PHKB: variants seen among roughly 807,000 people sequenced by gnomAD.
PHKB encodes phosphorylase kinase regulatory subunit beta.
Under a neutral mutation model 152.1 loss-of-function variants are expected in PHKB, and 122 were observed. That is an observed-to-expected ratio of 0.80 (90% CI 0.69 to 0.93). The LOEUF is 0.93. Among genes scored for constraint, PHKB ranks in the 40% least tolerant of loss-of-function variants. The probability of loss-of-function intolerance (pLI) is 0.00; values close to 1 mark genes in which losing one functional copy is unlikely to be tolerated. For synonymous variants in PHKB, 436 were observed against 464.9 expected (o/e 0.94, Z 0.80); for missense variants, 1,304 against 1,328.4 (o/e 0.98, Z 0.29).
intron 7 of PHKB, chr16:47,564,957 T>C (rs1971539582): frequency 3.9e-6 from 1 of 257,048 alleles, no homozygotes; most frequent in African/African-American, 2.3e-5. Context: ...GGTCTGTGTG[T>C]CTTTTTTTTT....
intron 5 of PHKB, among the ~76,000 whole-genome samples, chr16:47,512,594 G>A (rs1970528662): frequency 6.6e-6 from 1 of 152,132 alleles, no homozygotes; most frequent in Admixed American, 6.5e-5. Flanking sequence ...TATTTCTGAA[G>A]TCCATAAATT....
chr16:47,668,596 C>A (rs1266779192), intron 25 of PHKB, among the ~76,000 whole-genome samples: 1 of 152,104 alleles, frequency 6.6e-6, no homozygotes, highest in East Asian at 1.9e-4. Context: ...TTGGCCATTT[C>A]ACTCTATGCT....
At chr16:47,537,038 C>T (rs1374011073) in intron 6 of PHKB, among the ~76,000 whole-genome samples, 1 of 152,130 alleles carries the variant, frequency 6.6e-6, no homozygotes, top group Non-Finnish European at 1.5e-5. Context: ...TCTGTGGGGA[C>T]AGGGTGGGAA....
chr16:47,692,251 G>T (rs2096850027), intron 27 of PHKB, among the ~76,000 whole-genome samples: 1 of 152,094 alleles, frequency 6.6e-6, no homozygotes, highest in Non-Finnish European at 1.5e-5. Flanking sequence ...AATAGTGTTG[G>T]TCATGACATA....
chr16:47,690,118 C>G (rs1597184394), intron 27 of PHKB, among the ~76,000 whole-genome samples: 1 of 152,088 alleles, frequency 6.6e-6, no homozygotes, highest in South Asian at 2.1e-4. Flanking sequence ...ATAGAAAGTC[C>G]AGAAATAGAC....
chr16:47,523,499 A>G (rs1348593104), intron 6 of PHKB, among the ~76,000 whole-genome samples: 2 of 152,244 alleles, frequency 1.3e-5, no homozygotes, highest in Non-Finnish European at 2.9e-5. Flanking sequence ...TGTGTTAGGC[A>G]TAACTTGAAA....
intron 6 of PHKB, chr16:47,529,889 C>CCATTTTAAT (rs1970831694): frequency 2.6e-5 from 4 of 152,110 alleles, no homozygotes; most frequent in African/African-American, 9.6e-5. Context: ...TGGGAACATC[C>CCATTTTAAT]GTTAGTGTAA....
chr16:47,657,704 A>T (rs1159664548), intron 20 of PHKB, among the ~76,000 whole-genome samples: 1 of 152,172 alleles, frequency 6.6e-6, no homozygotes, highest in Non-Finnish European at 1.5e-5. Flanking sequence ...TTATGGGCTG[A>T]ATTAGAATAT....
chr16:47,546,122 CT>C (rs1415019151), intron 6 of PHKB, among the ~76,000 whole-genome samples: 1 of 152,186 alleles, frequency 6.6e-6, no homozygotes, highest in Non-Finnish European at 1.5e-5. Flanking sequence ...CTCCATCCAG[CT>C]TTTTTCCGTT....
chr16:47,675,781 C>T (rs1279838461), intron 26 of PHKB: 3 of 152,218 alleles, frequency 2.0e-5, no homozygotes, highest in African/African-American at 7.2e-5. Flanking sequence ...GGTAGACACT[C>T]ACGACACCTG....
intron 1 of PHKB, chr16:47,464,120 C>T (rs962271753): frequency 4.2e-6 from 3 of 720,484 alleles, no homozygotes; most frequent in African/African-American, 1.8e-5. Flanking sequence ...CCTGAGTACC[C>T]GGCTGGTGTT....
intron 3 of PHKB, 75 bp downstream of exon 3, chr16:47,499,969 C>A: frequency 6.4e-7 from 1 of 1,557,524 alleles, no homozygotes; most frequent in Non-Finnish European, 8.8e-7. Context: ...CTAATTGAGC[C>A]GCTATCTTTT....
chr16:47,626,001 A>G (rs1248337237), intron 14 of PHKB, among the ~76,000 whole-genome samples: 1 of 152,212 alleles, frequency 6.6e-6, no homozygotes, highest in East Asian at 1.9e-4. Flanking sequence ...TGGTGAGTTC[A>G]TAAAGAATAG....
intron 8 of PHKB, among the ~76,000 whole-genome samples, chr16:47,581,765 C>T (rs1002550641): frequency 5.3e-5 from 8 of 152,164 alleles, no homozygotes; most frequent in African/African-American, 1.4e-4. Context: ...CTGCGACCTC[C>T]GCCTCCCGGG....
chr16:47,475,513 A>G (rs1969853355), intron 1 of PHKB, among the ~76,000 whole-genome samples: 2 of 152,180 alleles, frequency 1.3e-5, no homozygotes, highest in Admixed American at 6.5e-5. Flanking sequence ...GGCTTTGGCC[A>G]ACTTGATGCT....
intron 1 of PHKB, among the ~76,000 whole-genome samples, chr16:47,479,375 G>A (rs1273170692): frequency 6.6e-6 from 1 of 152,030 alleles, no homozygotes; most frequent in Non-Finnish European, 1.5e-5. Context: ...ATTTTCCTAA[G>A]ACAACAAAGC....
intron 5 of PHKB, among the ~76,000 whole-genome samples, chr16:47,514,614 C>T (rs980805049): frequency 2.0e-5 from 3 of 152,214 alleles, no homozygotes; most frequent in Admixed American, 1.3e-4. Context: ...AGCCAACTCA[C>T]GTGCCAGCTT....
At chr16:47,622,580 A>G (rs776599322) in intron 14 of PHKB, among the ~76,000 whole-genome samples, 3 of 152,212 alleles carry the variant, frequency 2.0e-5, no homozygotes, top group Non-Finnish European at 4.4e-5. Flanking sequence ...ATGTGTATTG[A>G]CACACCCTTG....
At chr16:47,647,655 G>T (rs1973157196) in intron 16 of PHKB, among the ~76,000 whole-genome samples, 1 of 151,792 alleles carries the variant, frequency 6.6e-6, no homozygotes. Context: ...CCGCCACCAC[G>T]CCTGGCTAAT....
Sources: gnomAD v4.1 joint callset for allele counts (sites outside exome capture counted in the v4.1 genomes callset) on GRCh38, gnomAD v4.1.1 for gene constraint, MANE v1.5 for transcripts, NCBI Gene and HGNC (gene_info 2026-07-23, HGNC 2026-07-21) for gene names.